Variants in EYA4 observed in about 807,000 individuals in gnomAD.
EYA4 encodes the protein protein phosphatase EYA4.
A neutral mutation model predicts 87.9 loss-of-function variants in EYA4; 31 were observed. The ratio of observed to expected loss-of-function variants is 0.35; its 90% CI spans 0.27 to 0.48. The LOEUF (loss-of-function observed/expected upper bound fraction) is 0.48. EYA4 is among the 20% of genes least tolerant of loss of function. The probability of loss-of-function intolerance (pLI) is 0.99; values close to 1 mark genes in which losing one functional copy is unlikely to be tolerated. For synonymous variants in EYA4, 263 were observed against 270.6 expected, an observed-to-expected ratio of 0.97 and a Z score of 0.28; for missense variants, 678 against 761.4, an observed-to-expected ratio of 0.89 and a Z score of 1.29.
intron 2 of EYA4, among the ~76,000 whole-genome samples, chr6:133,352,388 G>A (rs1340953752): frequency 6.6e-6 from 1 of 151,776 alleles, no homozygotes; most frequent in Non-Finnish European, 1.5e-5. Context: ...GAGCTTAAAA[G>A]GTAAACAATG....
rs1055040119 is a variant in EYA4, at chr6:133,527,779, C to G, written c.1840-946C>G. Among the ~76,000 whole-genome samples, 7 of 152,130 alleles carry G rather than the reference C, an allele frequency of 4.6e-5. No homozygotes were observed. The South Asian group carries it at 1.4e-3, about 31-fold the overall frequency. On this transcript the variant is annotated intron_variant, in intron 19 of 19. Transcript: ENST00000355286. ...AAAATATCTTTTGCATGTTTTATATCTATATACTCATTTCCCTTATATACA... is the reference window on the plus strand; with the variant it reads ...AAAATATCTTTTGCATGTTTTATATGTATATACTCATTTCCCTTATATACA...
chr6:133,309,831 G>A (rs2128329622), intron 2 of EYA4, among the ~76,000 whole-genome samples: 1 of 152,306 alleles, frequency 6.6e-6, no homozygotes, highest in Non-Finnish European at 1.5e-5. Context: ...CTGGCCTAGA[G>A]CTTCATCTTA....
chr6:133,487,417 T>C (rs1177473910), intron 13 of EYA4, among the ~76,000 whole-genome samples: 1 of 152,136 alleles, frequency 6.6e-6, no homozygotes, highest in African/African-American at 2.4e-5. Context: ...GGAGTGCTTG[T>C]GCTACCCCTC....
chr6:133,486,152 C>G (rs767005837), intron 13 of EYA4, among the ~76,000 whole-genome samples: 1 of 151,890 alleles, frequency 6.6e-6, no homozygotes, highest in African/African-American at 2.4e-5. Context: ...TTAATAAAAA[C>G]AAAAACATCC....
intron 2 of EYA4, among the ~76,000 whole-genome samples, chr6:133,352,505 C>T (rs190871437): frequency 3.9e-5 from 6 of 152,006 alleles, no homozygotes; most frequent in South Asian, 2.1e-4. Flanking sequence ...ATGTCATATA[C>T]GTACATATAA....
Position 133,273,097 on chromosome 6 carries a change from G to GTGTATATATATA in EYA4, c.-65-1618_-65-1617insGTATATATATAT, listed in dbSNP as rs142020137. Among the ~76,000 whole-genome samples, 13 of 106,650 alleles carry GTGTATATATATA rather than the reference G, an allele frequency of 1.2e-4. 1 individual carries two copies. Among genetic ancestry groups the GTGTATATATATA allele is most frequent in the South Asian group, 7.5e-4 (2 of 2,652 alleles). The allele number at this position is 106,650 out of a possible 152,430, so 70.0% of individuals were successfully genotyped here. On this transcript the variant is annotated intron_variant, in intron 1 of 19. Transcript: ENST00000355286. ...CAGAACTAATAGGAGATATATATAT[G>GTGTATATATATA]TATATATATATATATATATAAAGGG...
intron 3 of EYA4, among the ~76,000 whole-genome samples, chr6:133,423,064 G>A (rs934032323): frequency 1.3e-5 from 2 of 152,068 alleles, no homozygotes; most frequent in Admixed American, 1.3e-4. Flanking sequence ...GCTAGATATG[G>A]GCGATGGGGA....
At chr6:133,468,808 A>G (rs1466561858) in intron 11 of EYA4, 77 bp downstream of exon 11, 4 of 1,444,858 alleles carry the variant, frequency 2.8e-6, no homozygotes, top group Non-Finnish European at 3.9e-6. Context: ...GGACATTCCA[A>G]AAACATGGCG....
At chr6:133,286,818 C>A (rs932241645) in intron 2 of EYA4, among the ~76,000 whole-genome samples, 1 of 152,162 alleles carries the variant, frequency 6.6e-6, no homozygotes, top group Non-Finnish European at 1.5e-5. Context: ...TTTCTAGGCA[C>A]TTCAGGTTAG....
chr6:133,517,792 C>A (rs1799732649), intron 17 of EYA4, among the ~76,000 whole-genome samples: 1 of 152,158 alleles, frequency 6.6e-6, no homozygotes, highest in African/African-American at 2.4e-5. Flanking sequence ...CGGGTTTGGA[C>A]TGTGGGAACC....
chr6:133,281,623 C>A (rs1777632298), intron 2 of EYA4, among the ~76,000 whole-genome samples: 1 of 134,644 alleles, frequency 7.4e-6, no homozygotes, highest in Non-Finnish European at 1.5e-5. Context: ...TTTTAAACTT[C>A]AACTTAGTTT....
At chr6:133,308,636 T>G (rs1336605179) in intron 2 of EYA4, among the ~76,000 whole-genome samples, 1 of 152,182 alleles carries the variant, frequency 6.6e-6, no homozygotes, top group Non-Finnish European at 1.5e-5. Flanking sequence ...GTGACAGTAT[T>G]TGGTTTTACT....
intron 2 of EYA4, among the ~76,000 whole-genome samples, chr6:133,333,747 A>T (rs1782156108): frequency 6.6e-6 from 1 of 152,140 alleles, no homozygotes; most frequent in African/African-American, 2.4e-5. Flanking sequence ...AGAACACTTA[A>T]TATATTATAA....
chr6:133,337,574 A>C (rs1782467261), intron 2 of EYA4, among the ~76,000 whole-genome samples: 1 of 152,136 alleles, frequency 6.6e-6, no homozygotes, highest in Non-Finnish European at 1.5e-5. Flanking sequence ...ATTTGTATAT[A>C]TTGGGTAGTT....
intron 3 of EYA4, among the ~76,000 whole-genome samples, chr6:133,389,642 A>G (rs966618395): frequency 1.3e-5 from 2 of 152,126 alleles, no homozygotes; most frequent in African/African-American, 2.4e-5. Flanking sequence ...TCTCAGCTCC[A>G]CTTGTGAAAA....
At chr6:133,276,131 G>C (rs894833692) in intron 2 of EYA4, among the ~76,000 whole-genome samples, 1 of 152,184 alleles carries the variant, frequency 6.6e-6, no homozygotes, top group Non-Finnish European at 1.5e-5. Context: ...AGTAGTAAAT[G>C]TTGACAACAT....
chr6:133,397,119 C>T (rs1787872839), intron 3 of EYA4, among the ~76,000 whole-genome samples: 1 of 152,188 alleles, frequency 6.6e-6, no homozygotes, highest in African/African-American at 2.4e-5. Flanking sequence ...TAGCTTCTGA[C>T]AATGAACCAT....
chr6:133,274,961 G>C, intron 2 of EYA4, 148 bp downstream of exon 2: 1 of 667,098 alleles, frequency 1.5e-6, no homozygotes. Context: ...CCATGAAACA[G>C]ACCTTTGGAG....
At chr6:133,250,079 G>A (rs2128228381) in intron 1 of EYA4, among the ~76,000 whole-genome samples, 1 of 152,338 alleles carries the variant, frequency 6.6e-6, no homozygotes, top group Non-Finnish European at 1.5e-5. Flanking sequence ...ACTGGGAACA[G>A]TGAGAAGGGC....
Sources: allele counts gnomAD v4.1 joint callset (sites outside exome capture counted in the v4.1 genomes callset), GRCh38; gene constraint gnomAD v4.1.1; transcripts MANE v1.5; gene names NCBI Gene and HGNC (gene_info 2026-07-23, HGNC 2026-07-21).